The following ZBED6 variants were observed in gnomAD, a reference collection of about 807,000 sequenced individuals.
The protein encoded by ZBED6 is zinc finger BED-type containing 6, also known as zinc finger BED domain-containing protein 6.
ZBED6 carries 40 observed loss-of-function variants against 58.4 expected under a neutral mutation model. The ratio of observed to expected loss-of-function variants is 0.68; its 90% CI spans 0.53 to 0.89. ZBED6 has a LOEUF of 0.89. ZBED6 is among the 40% of genes least tolerant of loss of function. The probability of loss-of-function intolerance (pLI) is 0.00; values close to 1 mark genes in which losing one functional copy is unlikely to be tolerated. For missense variants in ZBED6, 1,057 were observed against 1,003.9 expected, an observed-to-expected ratio of 1.05 and a Z score of -0.71; for synonymous variants, 439 against 350.6, an observed-to-expected ratio of 1.25 and a Z score of -2.82.
At chr1:203,846,476 G>A (rs1017596333) in intron 11 of ZBED6, among the ~76,000 whole-genome samples, 1 of 152,028 alleles carries the variant, frequency 6.6e-6, no homozygotes, top group Non-Finnish European at 1.5e-5. Flanking sequence ...TTGTAGACAA[G>A]TGTAGGTGTT....
rs575128273 is a variant in ZBED6, at chr1:203,832,127, C to T, written c.*3510+356C>T. On this transcript the variant is annotated intron_variant, in intron 8 of 16. Transcript: ENST00000550078. The stretch of plus-strand genomic sequence containing the variant: ...AGGCTGGAGTGCAATGGCATGATCT[C>T]AGCTCACCGCAGCCTCCGTCTTCTG... 3.0e-3 allele frequency among the ~76,000 whole-genome samples: 453 copies of T among 152,296 alleles called. 2 individuals are homozygous for T. In the Middle Eastern group the frequency reaches 0.031, roughly 10 times the overall value.
Position 203,847,676 on chromosome 1 carries a change from C to G in ZBED6, c.*4234C>G, listed in dbSNP as rs1326346890. ...GGGGCAAGGCGGCTGCTGCGAATCA[C>G]CAAAAGAACAGGTAACAAGAGAACT... On this transcript the variant is annotated 3_prime_UTR_variant, in exon 12 of 17. Coordinates refer to ENST00000550078, the Ensembl canonical transcript of ZBED6. The G allele has an allele frequency of 3.1e-6, 5 of 1,612,112 alleles. No homozygotes were observed. The Admixed American group carries it at 8.4e-5, about 27-fold the overall frequency.
At chr1:203,808,716 G>A (rs1268724597) in intron 1 of ZBED6, among the ~76,000 whole-genome samples, 2 of 152,092 alleles carry the variant, frequency 1.3e-5, no homozygotes, top group Non-Finnish European at 2.9e-5. Context: ...TGTTTATTCT[G>A]TTCTTTCCTC....
intron 11 of ZBED6, 123 bp from the exon 12 acceptor site, chr1:203,847,061 T>C: frequency 9.2e-7 from 1 of 1,089,384 alleles, no homozygotes. Context: ...CTTTTGATCC[T>C]TTTAATTGCC....
intron 11 of ZBED6, among the ~76,000 whole-genome samples, chr1:203,845,320 T>C (rs1227875857): frequency 6.6e-6 from 1 of 152,214 alleles, no homozygotes; most frequent in Non-Finnish European, 1.5e-5. Context: ...CATGTTGTAC[T>C]TTCTTGGAGT....
chr1:203,799,943 A>C (rs1670022557), exon 1 of ZBED6: 1 of 1,536,032 alleles, frequency 6.5e-7, no homozygotes, highest in Non-Finnish European at 8.7e-7. Flanking sequence ...AATCTTCACC[A>C]GAGATCTGCC....
rs201804286 is a variant in ZBED6, at chr1:203,847,639, G to A, written c.*4197G>A. 8.3e-5 allele frequency: 134 copies of A among 1,613,230 alleles called. No individual in the cohort carries two copies. Among genetic ancestry groups the A allele is most frequent in the Admixed American group, 2.2e-4 (13 of 59,992 alleles). ...CAGCACCAGCTCCCCGTCTCAACAC[G>A]AGGCCACTCCAGGGGCAAGGCGGCT... On this transcript the variant is annotated 3_prime_UTR_variant, in exon 12 of 17. Transcript: ENST00000550078.
intron 3 of ZBED6, among the ~76,000 whole-genome samples, chr1:203,825,076 C>CAAAAAAAAAA (rs61108073): frequency 9.2e-6 from 1 of 108,988 alleles, no homozygotes. Context: ...GACTCCGTCT[C>CAAAAAAAAAA]AAAAAAAAAA....
At position 203,847,651 on chromosome 1, in the gene ZBED6, G is replaced by C. The variant is rs200108236; in HGVS notation, c.*4209G>C. On this transcript the variant is annotated 3_prime_UTR_variant, in exon 12 of 17. Coordinates refer to ENST00000550078, the Ensembl canonical transcript of ZBED6. Reference sequence around the variant, plus strand: ...CCCGTCTCAACACGAGGCCACTCCAGGGGCAAGGCGGCTGCTGCGAATCAC... The same window carrying C: ...CCCGTCTCAACACGAGGCCACTCCACGGGCAAGGCGGCTGCTGCGAATCAC... 6.4e-5 allele frequency: 104 copies of C among 1,612,658 alleles called. No individual in the cohort carries two copies. Among genetic ancestry groups the C allele is most frequent in the Non-Finnish European group, 8.3e-5 (98 of 1,179,916 alleles).
At chr1:203,817,412 G>A (rs1225369276) in intron 2 of ZBED6, among the ~76,000 whole-genome samples, 1 of 149,676 alleles carries the variant, frequency 6.7e-6, no homozygotes, top group African/African-American at 2.4e-5. Flanking sequence ...CTTTGGAAAT[G>A]GGGCCACTTT....
Position 203,825,063 on chromosome 1 carries a change from C to T in ZBED6, c.*2874-3236C>T, listed in dbSNP as rs1283190975. 6.0e-5 allele frequency among the ~76,000 whole-genome samples: 7 copies of T among 116,794 alleles called. No individual in the cohort carries two copies. The East Asian group carries it at 7.5e-4, about 13-fold the overall frequency. The allele number at this position is 116,794 out of a possible 152,430, so 76.6% of individuals were successfully genotyped here. Reference sequence around the variant, plus strand: ...CTGCACTCCAACCTGGGCAACAGAGCGAGACTCCGTCTCAAAAAAAAAAAA... The same window carrying T: ...CTGCACTCCAACCTGGGCAACAGAGTGAGACTCCGTCTCAAAAAAAAAAAA... On this transcript the variant is annotated intron_variant, in intron 3 of 16. Transcript: ENST00000550078.
chr1:203,819,211 TTTTTC>T (rs1206374862), intron 3 of ZBED6, among the ~76,000 whole-genome samples: 20 of 147,700 alleles, frequency 1.4e-4, no homozygotes, highest in African/African-American at 4.6e-4. Flanking sequence ...ATGCAATTTT[TTTTTC>T]TTTCTTTTTA....
exon 17 of ZBED6, chr1:203,852,560 G>A: frequency 9.2e-6 from 7 of 764,034 alleles, no homozygotes; most frequent in East Asian, 2.7e-5. Context: ...GATTCCTTGG[G>A]GTCAGATTTT....
exon 1 of ZBED6, chr1:203,797,749 G>C: frequency 6.5e-7 from 1 of 1,535,458 alleles, no homozygotes; most frequent in Non-Finnish European, 8.7e-7. Flanking sequence ...AAAAGGCGTC[G>C]AAAAAAATTG....
chr1:203,828,241 C>T, intron 3 of ZBED6, 58 bp from the exon 4 acceptor site: 1 of 1,601,700 alleles, frequency 6.2e-7, no homozygotes, highest in East Asian at 2.2e-5. Flanking sequence ...AACAAACTGC[C>T]ACATGAATAT....
chr1:203,798,293 T>C, exon 1 of ZBED6: 1 of 1,536,136 alleles, frequency 6.5e-7, no homozygotes. Context: ...TCAAGCATGC[T>C]TTAATTCCTG....
At chr1:203,801,677 C>T (rs1280714949) in exon 1 of ZBED6, 1 of 152,010 alleles carries the variant, frequency 6.6e-6, no homozygotes, top group East Asian at 1.9e-4. Flanking sequence ...TTAGTTTTGT[C>T]TTGGATAGTA....
At chr1:203,852,450 A>C (rs1275612490) in exon 17 of ZBED6, 1 of 1,596,546 alleles carries the variant, frequency 6.3e-7, no homozygotes. Context: ...AACTGGACTT[A>C]GTTTCATCTA....
chr1:203,807,271 T>C (rs1387372384), intron 1 of ZBED6, among the ~76,000 whole-genome samples: 2 of 152,210 alleles, frequency 1.3e-5, no homozygotes, highest in Non-Finnish European at 2.9e-5. Context: ...GCAGCTGTTT[T>C]AAACATTTTT....
Sources: gnomAD v4.1 joint callset for allele counts (sites outside exome capture counted in the v4.1 genomes callset) on GRCh38, gnomAD v4.1.1 for gene constraint, MANE v1.5 for transcripts, NCBI Gene and HGNC (gene_info 2026-07-23, HGNC 2026-07-21) for gene names.